XRCC4: variants seen among roughly 807,000 people sequenced by gnomAD.
XRCC4 encodes the protein X-ray repair cross complementing 4, also known as DNA repair protein XRCC4.
In XRCC4, 28 loss-of-function variants were observed where a neutral mutation model predicts 39.1. That is an observed-to-expected ratio of 0.72 (90% confidence interval 0.53 to 0.98). The LOEUF is 0.98. XRCC4 is among the 50% of genes least tolerant of loss of function. The pLI is 0.00. For missense variants in XRCC4, 350 were observed against 376.4 expected, an observed-to-expected ratio of 0.93 and a Z score of 0.58; for synonymous variants, 123 against 126.4, an observed-to-expected ratio of 0.97 and a Z score of 0.18.
intron 7 of XRCC4, among the ~76,000 whole-genome samples, chr5:83,289,978 C>G (rs1235415287): frequency 6.6e-6 from 1 of 151,784 alleles, no homozygotes; most frequent in Non-Finnish European, 1.5e-5. Context: ...ACTGTGGCCT[C>G]CAGGAGTTTC....
the XRCC4 span, among the ~76,000 whole-genome samples, chr5:83,368,499 G>A: frequency 6.6e-6 from 1 of 152,140 alleles, no homozygotes; most frequent in Non-Finnish European, 1.5e-5. Flanking sequence ...CTAACTAACC[G>A]CTCTCCCAAG....
intron 3 of XRCC4, among the ~76,000 whole-genome samples, chr5:83,126,137 TAG>T (rs1372080814): frequency 1.3e-5 from 2 of 151,776 alleles, no homozygotes; most frequent in African/African-American, 4.8e-5. Context: ...AATTGAGTCA[TAG>T]AGTTTATCAA....
At chr5:83,365,868 A>T in the XRCC4 span, among the ~76,000 whole-genome samples, 3 of 152,214 alleles carry the variant, frequency 2.0e-5, no homozygotes, top group Admixed American at 1.3e-4. Flanking sequence ...GTGACAATAG[A>T]TATACTATGT....
chr5:83,168,013 A>C (rs113760365), intron 3 of XRCC4, among the ~76,000 whole-genome samples: 19 of 152,300 alleles, frequency 1.2e-4, no homozygotes, highest in Non-Finnish European at 2.6e-4. Flanking sequence ...AAATGTAACA[A>C]AGGAAAATAA....
chr5:83,159,662 G>A (rs1412749408), intron 3 of XRCC4, among the ~76,000 whole-genome samples: 2 of 152,242 alleles, frequency 1.3e-5, no homozygotes, highest in Admixed American at 1.3e-4. Context: ...ATTTGGGACT[G>A]GGGTAGGATG....
chr5:83,203,032 G>A (rs1751273031), intron 4 of XRCC4, among the ~76,000 whole-genome samples: 1 of 151,858 alleles, frequency 6.6e-6, no homozygotes, highest in Non-Finnish European at 1.5e-5. Context: ...ATTTCTATAT[G>A]TATTTGTGTG....
At chr5:83,327,455 A>C (rs1269661127) in intron 7 of XRCC4, among the ~76,000 whole-genome samples, 1 of 151,970 alleles carries the variant, frequency 6.6e-6, no homozygotes, top group African/African-American at 2.4e-5. Flanking sequence ...AAAATGGTTC[A>C]CTAGTAATAA....
chr5:83,174,408 G>A (rs559402041), intron 3 of XRCC4, among the ~76,000 whole-genome samples: 2 of 151,856 alleles, frequency 1.3e-5, no homozygotes, highest in South Asian at 2.1e-4. Flanking sequence ...ATATAACTAT[G>A]TATCTTAATA....
chr5:83,320,386 A>G (rs1756022579), intron 7 of XRCC4, among the ~76,000 whole-genome samples: 1 of 150,296 alleles, frequency 6.7e-6, no homozygotes, highest in Admixed American at 6.6e-5. Context: ...AAATAATAAA[A>G]AAATAAAAAA....
In XRCC4 at chr5:83,135,509, C is replaced by T. The variant is rs577772359; in HGVS notation, c.315+24306C>T. On this transcript the variant is annotated intron_variant, in intron 3 of 7. Coordinates refer to ENST00000396027, the MANE Select transcript of XRCC4 (RefSeq NM_003401.5). ...TTTGTTTATTGAGCTTTGATCTATT[C>T]ATTTATAGTTTTTCTATTTTCTTTT... Among the ~76,000 whole-genome samples, 135 of 149,786 alleles carry T rather than the reference C, an allele frequency of 9.0e-4. No individual in the cohort carries two copies. The Middle Eastern group carries it at 0.01, about 11-fold the overall frequency.
the XRCC4 span, among the ~76,000 whole-genome samples, chr5:83,369,528 G>A: frequency 6.6e-6 from 1 of 152,152 alleles, no homozygotes; most frequent in African/African-American, 2.4e-5. Context: ...TGCATTGTTT[G>A]CTTAGGATAA....
chr5:83,241,394 A>C (rs1328856818), intron 6 of XRCC4, among the ~76,000 whole-genome samples: 1 of 152,226 alleles, frequency 6.6e-6, no homozygotes, highest in African/African-American at 2.4e-5. Context: ...ATAATTTTAC[A>C]CAAATCTATC....
chr5:83,224,824 T>C (rs991946830), intron 6 of XRCC4, among the ~76,000 whole-genome samples: 2 of 152,152 alleles, frequency 1.3e-5, no homozygotes, highest in South Asian at 2.1e-4. Flanking sequence ...TGTGGCACTT[T>C]AAAAAAAACT....
intron 3 of XRCC4, among the ~76,000 whole-genome samples, chr5:83,193,418 A>G (rs1750798681): frequency 6.6e-6 from 1 of 152,212 alleles, no homozygotes. Context: ...TAATTAGAAA[A>G]TAGATATAAA....
rs562376368 is a variant in XRCC4 at position 83,098,209 on chromosome 5, T to A, written c.-10-6701T>A. On this transcript the variant is annotated intron_variant, in intron 1 of 7. Coordinates refer to ENST00000396027, the MANE Select transcript of XRCC4 (RefSeq NM_003401.5). ...GACTGTGACCTCAACCAAGAGGCCT[T>A]ATTTTTCTAGACTTATTTTATAGTA... Among the ~76,000 whole-genome samples the A allele has an allele frequency of 2.0e-5, 3 of 152,230 alleles. No individual in the cohort carries two copies. The East Asian group carries it at 5.8e-4, about 29-fold the overall frequency.
At chr5:83,276,159 C>T (rs28360269) in intron 7 of XRCC4, among the ~76,000 whole-genome samples, 3,064 of 152,232 alleles carry the variant, frequency 0.02, 88 homozygotes, top group African/African-American at 0.07. Flanking sequence ...TGGTACAATA[C>T]TTCTCAAGAT....
chr5:83,206,407 G>A (rs1751424425), intron 6 of XRCC4, among the ~76,000 whole-genome samples: 1 of 152,084 alleles, frequency 6.6e-6, no homozygotes, highest in African/African-American at 2.4e-5. Flanking sequence ...GGAGCAGCCA[G>A]GAGGTAAGAG....
At chr5:83,334,277 T>G (rs1048977501) in intron 7 of XRCC4, among the ~76,000 whole-genome samples, 2 of 152,174 alleles carry the variant, frequency 1.3e-5, no homozygotes, top group African/African-American at 4.8e-5. Context: ...GAACTACTTC[T>G]TACTCTAACA....
chr5:83,162,308 T>A (rs1749254309), intron 3 of XRCC4, among the ~76,000 whole-genome samples: 2 of 152,244 alleles, frequency 1.3e-5, no homozygotes. Context: ...CCTCTTAAAG[T>A]TGGTTACCCT....
Sources: allele counts gnomAD v4.1 joint callset (sites outside exome capture counted in the v4.1 genomes callset), GRCh38; gene constraint gnomAD v4.1.1; transcripts MANE v1.5; gene names NCBI Gene and HGNC (gene_info 2026-07-23, HGNC 2026-07-21).